Variants in ERG observed in about 807,000 individuals in gnomAD.
The protein encoded by ERG is ETS transcription factor ERG, also known as transcriptional regulator ERG.
In ERG, 9 loss-of-function variants were observed where a neutral mutation model predicts 55.3. The observed-to-expected ratio is 0.16, with a 90% CI of 0.10 to 0.28. The LOEUF is 0.28. Ranked by LOEUF, ERG falls within the 10% of genes least tolerant of loss-of-function variation. The pLI is 1.00. For missense variants in ERG, 434 were observed against 631.6 expected, an observed-to-expected ratio of 0.69 and a Z score of 3.35; for synonymous variants, 223 against 237.3, an observed-to-expected ratio of 0.94 and a Z score of 0.55.
At chr21:38,617,629 T>G (rs2060266296) in intron 1 of ERG, among the ~76,000 whole-genome samples, 1 of 152,210 alleles carries the variant, frequency 6.6e-6, no homozygotes, top group South Asian at 2.1e-4. Context: ...CATCTCTTCA[T>G]ATAACATTCA....
chr21:38,520,646 A>T (rs975413542), intron 2 of ERG, among the ~76,000 whole-genome samples: 1 of 152,158 alleles, frequency 6.6e-6, no homozygotes, highest in Non-Finnish European at 1.5e-5. Context: ...CCAAGCTAAG[A>T]CGCTACCGCA....
intron 8 of ERG, 121 bp from the exon 9 acceptor site, chr21:38,391,163 A>G (rs7278050): frequency 7.5e-6 from 6 of 798,902 alleles, no homozygotes; most frequent in East Asian, 2.5e-5. Flanking sequence ...ATGTCCTCCA[A>G]CTCCAAATCA....
chr21:38,577,172 T>G (rs1319239780), intron 1 of ERG, among the ~76,000 whole-genome samples: 1 of 152,220 alleles, frequency 6.6e-6, no homozygotes, highest in Non-Finnish European at 1.5e-5. Context: ...AGCGCATTAC[T>G]GTAGTGACAA....
At chr21:38,538,626 A>G (rs2059728788) in intron 2 of ERG, among the ~76,000 whole-genome samples, 1 of 152,176 alleles carries the variant, frequency 6.6e-6, no homozygotes, top group South Asian at 2.1e-4. Context: ...GCAGTGAACT[A>G]GTCTGTCAGC....
chr21:38,368,370 G>A, the ERG span, among the ~76,000 whole-genome samples: 1 of 145,932 alleles, frequency 6.9e-6, no homozygotes, highest in Non-Finnish European at 1.5e-5. Context: ...TGCCCCTTTG[G>A]TGCGACAGTG....
chr21:38,403,545 C>A lies in ERG; in HGVS notation c.553G>T (p.Ala185Ser). The A allele has an allele frequency of 6.2e-7, 1 of 1,614,154 alleles. No homozygotes were observed. Among genetic ancestry groups the A allele is most frequent in the Non-Finnish European group, 8.5e-7 (1 of 1,180,016 alleles). Reference protein sequence around the residue: ...DFQRLTPSYNADILLSHLHYL... With the variant: ...DFQRLTPSYNSDILLSHLHYL... Reference sequence around the variant, plus strand: ...TGGAGATGTGAGAGAAGGATGTCGGCGTTGTAGCTGGGGGTGAGCCTCTGG... The same window carrying A: ...TGGAGATGTGAGAGAAGGATGTCGGAGTTGTAGCTGGGGGTGAGCCTCTGG... The change falls in exon 4 of 10, where the codon GCC becomes TCC. Residue 185 changes from alanine (A) to serine (S), a missense_variant. Transcript: ENST00000288319.
chr21:38,647,110 G>A (rs756322162), intron 1 of ERG, among the ~76,000 whole-genome samples: 3 of 152,112 alleles, frequency 2.0e-5, no homozygotes, highest in Admixed American at 6.5e-5. Context: ...TCAGCGATTC[G>A]GCATGTTTAA....
intron 1 of ERG, among the ~76,000 whole-genome samples, chr21:38,448,230 T>G (rs958033288): frequency 6.6e-6 from 1 of 152,206 alleles, no homozygotes; most frequent in Non-Finnish European, 1.5e-5. Flanking sequence ...TGAGATCGAT[T>G]TAGGAAGGAA....
At chr21:38,488,292 C>A (rs1242293496) in intron 1 of ERG, among the ~76,000 whole-genome samples, 1 of 152,184 alleles carries the variant, frequency 6.6e-6, no homozygotes, top group African/African-American at 2.4e-5. Context: ...TAGGGACCTG[C>A]AGGAGATCTG....
upstream of ERG, among the ~76,000 whole-genome samples, chr21:38,587,643 C>T (rs552237929): frequency 4.0e-4 from 61 of 152,228 alleles, no homozygotes; most frequent in East Asian, 5.8e-4. Context: ...TGAGCCACGG[C>T]GCCCGGCCAA....
chr21:38,404,931 A>T (rs1265755539), intron 3 of ERG, among the ~76,000 whole-genome samples: 2 of 152,138 alleles, frequency 1.3e-5, no homozygotes, highest in South Asian at 4.1e-4. Flanking sequence ...GGTAAACCGT[A>T]ATAATAGTGA....
At chr21:38,576,435 T>C (rs1308448156) in intron 1 of ERG, among the ~76,000 whole-genome samples, 1 of 152,124 alleles carries the variant, frequency 6.6e-6, no homozygotes, top group Non-Finnish European at 1.5e-5. Flanking sequence ...CCAAAAAAAA[T>C]TTGGTTTGAC....
chr21:38,542,715 G>A (rs1015338249), intron 2 of ERG, among the ~76,000 whole-genome samples: 20 of 152,154 alleles, frequency 1.3e-4, no homozygotes, highest in African/African-American at 4.6e-4. Context: ...ACTTAAAACT[G>A]TGAGGACCAA....
chr21:38,453,479 G>A (rs995461105), intron 1 of ERG, among the ~76,000 whole-genome samples: 1 of 152,242 alleles, frequency 6.6e-6, no homozygotes, highest in Admixed American at 6.5e-5. Flanking sequence ...AACCTCGAAT[G>A]CATTTGAAAG....
chr21:38,491,137 G>T (rs750942220), intron 1 of ERG, among the ~76,000 whole-genome samples: 1 of 150,902 alleles, frequency 6.6e-6, no homozygotes, highest in Non-Finnish European at 1.5e-5. Flanking sequence ...TGTGTTGACA[G>T]ATTCTAAAGT....
chr21:38,442,192 G>A (rs2058847598), intron 2 of ERG, among the ~76,000 whole-genome samples: 2 of 152,110 alleles, frequency 1.3e-5, no homozygotes, highest in Non-Finnish European at 1.5e-5. Context: ...GATTGAGTTC[G>A]AGACCAGCCT....
intron 1 of ERG, among the ~76,000 whole-genome samples, chr21:38,648,983 T>C (rs923534769): frequency 5.9e-5 from 9 of 152,188 alleles, no homozygotes; most frequent in African/African-American, 1.7e-4. Context: ...TGCTCAGCGA[T>C]GCTTAGATGC....
intron 1 of ERG, among the ~76,000 whole-genome samples, chr21:38,609,581 T>A (rs1485699396): frequency 6.6e-6 from 1 of 152,170 alleles, no homozygotes; most frequent in East Asian, 1.9e-4. Context: ...ATATGGATAA[T>A]CTCAACAACA....
intron 2 of ERG, among the ~76,000 whole-genome samples, chr21:38,550,788 T>C (rs1374204054): frequency 1.3e-5 from 2 of 152,138 alleles, no homozygotes; most frequent in African/African-American, 2.4e-5. Flanking sequence ...CAGCCAGAGA[T>C]GGGATCATTG....
Sources: allele counts gnomAD v4.1 joint callset (sites outside exome capture counted in the v4.1 genomes callset), GRCh38; gene constraint gnomAD v4.1.1; transcripts MANE v1.5; gene names NCBI Gene and HGNC (gene_info 2026-07-23, HGNC 2026-07-21).